The following PLEKHH2 variants were observed in gnomAD, a reference collection of about 807,000 sequenced individuals.
PLEKHH2 encodes pleckstrin homology domain-containing family H member 2.
In PLEKHH2, 129 loss-of-function variants were observed where a neutral mutation model predicts 187.9. That is an observed-to-expected ratio of 0.69 (90% CI 0.59 to 0.79). PLEKHH2 has a LOEUF of 0.79. Ranked by LOEUF, PLEKHH2 falls within the 30% of genes least tolerant of loss-of-function variation. The pLI is 0.00. For synonymous variants in PLEKHH2, 686 were observed against 605.6 expected (o/e 1.13, Z -1.95); for missense variants, 2,076 against 1,751.2 (o/e 1.19, Z -3.31).
chr2:43,680,955 C>T, intron 3 of PLEKHH2: 1 of 989,360 alleles, frequency 1.0e-6, no homozygotes, highest in Non-Finnish European at 1.5e-6. Flanking sequence ...ATTTTTACTA[C>T]ATACACTGGA....
chr2:43,721,010 C>G (rs554158417), intron 16 of PLEKHH2, among the ~76,000 whole-genome samples: 1 of 152,262 alleles, frequency 6.6e-6, no homozygotes, highest in South Asian at 2.1e-4. Flanking sequence ...TCTATTCCCT[C>G]CCCACAACCA....
intron 3 of PLEKHH2, among the ~76,000 whole-genome samples, chr2:43,691,281 C>T (rs1037662273): frequency 1.2e-4 from 19 of 152,216 alleles, no homozygotes; most frequent in Middle Eastern, 3.4e-3. Flanking sequence ...CAGCTTTTAG[C>T]GGAGAGGGGA....
intron 2 of PLEKHH2, among the ~76,000 whole-genome samples, chr2:43,645,636 ATAT>A (rs1413015257): frequency 6.6e-6 from 1 of 152,184 alleles, no homozygotes; most frequent in African/African-American, 2.4e-5. Flanking sequence ...AATAATTTTT[ATAT>A]TGATTATATG....
Position 43,712,699 on chromosome 2 carries a change from G to A in PLEKHH2, c.2460+316G>A, listed in dbSNP as rs190847874. On this transcript the variant is annotated intron_variant, in intron 15 of 29. Transcript: ENST00000282406. ...GGTTAATATCATTAATATTTAACAC[G>A]TTTTTTTCTAATCAGTAAGCAAACA... is the stretch of plus-strand genomic sequence containing the variant. 1.2e-3 allele frequency among the ~76,000 whole-genome samples: 186 copies of A among 152,176 alleles called. 1 individual carries two copies. Among genetic ancestry groups the A allele is most frequent in the Admixed American group, 9.7e-3 (149 of 15,284 alleles).
chr2:43,728,746 G>A (rs181797683), intron 17 of PLEKHH2, among the ~76,000 whole-genome samples: 274 of 151,792 alleles, frequency 1.8e-3, no homozygotes, highest in African/African-American at 6.3e-3. Context: ...ATTTTTAGTA[G>A]AGACGGCGTT....
At chr2:43,699,156 G>A (rs2104481939) in intron 7 of PLEKHH2, among the ~76,000 whole-genome samples, 1 of 151,782 alleles carries the variant, frequency 6.6e-6, no homozygotes, top group African/African-American at 2.4e-5. Context: ...GATAGTGAAA[G>A]TTGCCCTGTT....
At chr2:43,744,553 G>A (rs1011737604) in intron 23 of PLEKHH2, among the ~76,000 whole-genome samples, 4 of 150,560 alleles carry the variant, frequency 2.7e-5, no homozygotes, top group Non-Finnish European at 1.5e-5. Context: ...GGCCTGAGCT[G>A]GAAATGAAAA....
chr2:43,717,625 C>T (rs970765590), intron 15 of PLEKHH2, among the ~76,000 whole-genome samples: 16 of 152,076 alleles, frequency 1.1e-4, no homozygotes, highest in Non-Finnish European at 2.9e-5. Flanking sequence ...GCAAAGGTTA[C>T]TGGAAGTGAA....
At chr2:43,747,319 G>C (rs1363295601) in intron 24 of PLEKHH2, among the ~76,000 whole-genome samples, 1 of 152,016 alleles carries the variant, frequency 6.6e-6, no homozygotes, top group East Asian at 1.9e-4. Context: ...TCTGAAGAGA[G>C]AGAGAGGTAC....
chr2:43,707,053 G>A (rs1282830579), intron 10 of PLEKHH2, among the ~76,000 whole-genome samples: 3 of 151,832 alleles, frequency 2.0e-5, no homozygotes, highest in African/African-American at 4.8e-5. Context: ...AAAATTAGCC[G>A]GGCGTGGTGG....
chr2:43,699,098 T>G (rs1168612282), intron 7 of PLEKHH2, among the ~76,000 whole-genome samples: 4 of 152,186 alleles, frequency 2.6e-5, no homozygotes, highest in Non-Finnish European at 5.9e-5. Context: ...TTTCTTTCCT[T>G]CTAAAATAGA....
At chr2:43,679,530 C>G (rs896278308) in intron 3 of PLEKHH2, 2 of 309,900 alleles carry the variant, frequency 6.5e-6, no homozygotes, top group Admixed American at 9.6e-5. Context: ...GAATCTTGCT[C>G]TGTGGCCCAG....
chr2:43,758,547 C>T (rs1481035712), intron 26 of PLEKHH2, among the ~76,000 whole-genome samples: 2 of 152,182 alleles, frequency 1.3e-5, no homozygotes, highest in South Asian at 2.1e-4. Context: ...GCCACTGCAC[C>T]GGGCCTGTAC....
rs772794663 is a variant in PLEKHH2 at position 43,764,208 on chromosome 2, A to G, written c.4159-20A>G. 1.5e-6 allele frequency: 2 copies of G among 1,363,616 alleles called. No homozygotes were observed. The highest frequency in any genetic ancestry group is 1.9e-6 in the Non-Finnish European group (2 of 1,027,562). 84.5% of individuals were successfully genotyped at this position (1,363,616 alleles called of 1,614,324 possible). On this transcript the variant is annotated intron_variant, in intron 28 of 29. Transcript: ENST00000282406. ...GGAAGTAAGAGCATATAACATATAT[A>G]CTTTTTCTTATCTTTAAAGAGGTTA... is the stretch of plus-strand genomic sequence containing the variant.
chr2:43,739,196 C>A (rs567507508), intron 20 of PLEKHH2, among the ~76,000 whole-genome samples: 1 of 152,064 alleles, frequency 6.6e-6, no homozygotes. Flanking sequence ...CACCAGGAAC[C>A]TAAATCTTGT....
Position 43,645,965 on chromosome 2 carries a change from A to C in PLEKHH2, c.123+1169A>C, listed in dbSNP as rs180700786. 2.6e-4 allele frequency among the ~76,000 whole-genome samples: 39 copies of C among 152,280 alleles called. No homozygotes were observed. The East Asian group carries it at 7.5e-3, about 29-fold the overall frequency. The stretch of plus-strand genomic sequence containing the variant: ...TTTCATTGCTAGCCAAGAATCTCTT[A>C]GTACAGAATTATTATAATAACATTC... On this transcript the variant is annotated intron_variant, in intron 2 of 29. Coordinates refer to ENST00000282406, the MANE Select transcript of PLEKHH2 (RefSeq NM_172069.4).
intron 2 of PLEKHH2, among the ~76,000 whole-genome samples, chr2:43,677,154 A>G (rs1281097660): frequency 2.0e-5 from 3 of 151,980 alleles, no homozygotes; most frequent in Admixed American, 1.3e-4. Flanking sequence ...TATTTAACTC[A>G]TCTCCAGTGA....
Position 43,720,677 on chromosome 2 carries a change from T to G in PLEKHH2, c.2469T>G (p.His823Gln), listed in dbSNP as rs371743114. The G allele has an allele frequency of 1.2e-6, 2 of 1,606,774 alleles. No homozygotes were observed. The highest frequency in any genetic ancestry group is 2.2e-5 in the South Asian group (2 of 88,926). The change falls in exon 16 of 30, where the codon CAT (histidine) becomes CAG (glutamine). Residue 823 changes from histidine (H) to glutamine (Q), a missense_variant. His to Gln is a conservative substitution (Grantham distance 24). Transcript: ENST00000282406. Reference protein sequence around the residue: ...TMKGLLTKVKHGYSKRVWCTL... With the variant: ...TMKGLLTKVKQGYSKRVWCTL... ...TTGAAATATGGTTTCAGGTAAAACA[T>G]GGATATTCCAAGAGAGTCTGGTGTA...
At chr2:43,730,530 C>G (rs1197950459) in intron 18 of PLEKHH2, among the ~76,000 whole-genome samples, 2 of 152,232 alleles carry the variant, frequency 1.3e-5, no homozygotes, top group Non-Finnish European at 2.9e-5. Flanking sequence ...TCCTGAGTAG[C>G]TGGGACCACA....
Sources: gnomAD v4.1 joint callset for allele counts (sites outside exome capture counted in the v4.1 genomes callset) on GRCh38, gnomAD v4.1.1 for gene constraint, MANE v1.5 for transcripts, NCBI Gene and HGNC (gene_info 2026-07-23, HGNC 2026-07-21) for gene names.